SGCZ: variants seen among roughly 807,000 people sequenced by gnomAD.
The protein encoded by SGCZ is sarcoglycan zeta.
SGCZ carries 40 observed loss-of-function variants against 41.3 expected under a neutral mutation model. That is an observed-to-expected ratio of 0.97 (90% CI 0.75 to 1.26). The LOEUF (loss-of-function observed/expected upper bound fraction) is 1.26, where lower values mean the gene tolerates loss of function less well. Among genes scored for constraint, SGCZ ranks in the 50% most tolerant of loss-of-function variants. SGCZ has a pLI of 0.00. For synonymous variants in SGCZ, 206 were observed against 137.5 expected, an observed-to-expected ratio of 1.50 and a Z score of -3.49; for missense variants, 552 against 369.8, an observed-to-expected ratio of 1.49 and a Z score of -4.04.
chr8:14,246,427 G>C (rs896920207), intron 3 of SGCZ, among the ~76,000 whole-genome samples: 1 of 151,442 alleles, frequency 6.6e-6, no homozygotes, highest in South Asian at 2.1e-4. Flanking sequence ...AAGGGAACAT[G>C]ACACTCTGGG....
chr8:14,819,839 C>T (rs1802020147), intron 1 of SGCZ, among the ~76,000 whole-genome samples: 2 of 151,832 alleles, frequency 1.3e-5, no homozygotes, highest in Admixed American at 6.6e-5. Context: ...ACAATAGTAA[C>T]CACAAAGAAA....
intron 1 of SGCZ, among the ~76,000 whole-genome samples, chr8:14,632,505 A>C (rs1806691098): frequency 6.6e-6 from 1 of 152,158 alleles, no homozygotes. Flanking sequence ...AACAAAATAC[A>C]CTATTTTGAA....
At chr8:14,125,108 G>A (rs1329006671) in intron 5 of SGCZ, among the ~76,000 whole-genome samples, 1 of 152,112 alleles carries the variant, frequency 6.6e-6, no homozygotes, top group Non-Finnish European at 1.5e-5. Context: ...ACTTCTTCAA[G>A]GAGAACTACA....
chr8:14,188,993 T>A (rs1805003253), intron 4 of SGCZ, among the ~76,000 whole-genome samples: 1 of 149,586 alleles, frequency 6.7e-6, no homozygotes, highest in Admixed American at 6.7e-5. Context: ...GTAGCTGCGA[T>A]TACAGGCACC....
At chr8:14,570,488 T>C (rs1472617685) in intron 1 of SGCZ, among the ~76,000 whole-genome samples, 1 of 152,238 alleles carries the variant, frequency 6.6e-6, no homozygotes, top group Non-Finnish European at 1.5e-5. Flanking sequence ...TAGAAACTTA[T>C]GTAAATATTA....
chr8:14,866,857 A>G (rs1210747489), intron 1 of SGCZ, among the ~76,000 whole-genome samples: 1 of 152,182 alleles, frequency 6.6e-6, no homozygotes, highest in Admixed American at 6.6e-5. Context: ...ACTAAAAGAA[A>G]AAAAAGTTTA....
chr8:14,456,145 A>C (rs1800737311), intron 2 of SGCZ, among the ~76,000 whole-genome samples: 1 of 152,174 alleles, frequency 6.6e-6, no homozygotes, highest in Admixed American at 6.5e-5. Context: ...ACGGTGGCTC[A>C]CACCTGTAAT....
chr8:14,554,833 G>A lies in SGCZ; in HGVS notation c.133C>T (p.Arg45Ter), dbSNP rs74754257. ...QLYPVGIYGWRKRCLYFFVLL... is the reference protein window; with the variant it reads ...QLYPVGIYGW Reference sequence around the variant, plus strand: ...ACAAAGAAGTATAAGCACCTCTTTCGCCATCCATAAATTCCCACTGGGTAA... The same window carrying A: ...ACAAAGAAGTATAAGCACCTCTTTCACCATCCATAAATTCCCACTGGGTAA... Residue 45 changes from arginine (R) to a stop codon, truncating the protein, a stop_gained, in exon 2 of 8, where the codon CGA becomes TGA. Transcript: ENST00000382080. LOFTEE classifies it high-confidence loss of function. The A allele has an allele frequency of 5.0e-6, 8 of 1,612,784 alleles. No individual in the cohort carries two copies. The highest frequency in any genetic ancestry group is 2.2e-5 in the East Asian group (1 of 44,810).
At chr8:15,110,039 T>A (rs1806985482) in intron 1 of SGCZ, among the ~76,000 whole-genome samples, 1 of 152,186 alleles carries the variant, frequency 6.6e-6, no homozygotes, top group Admixed American at 6.5e-5. Flanking sequence ...GACATTTTCA[T>A]TAGTTAATTA....
chr8:15,148,830 G>A (rs529071986), intron 1 of SGCZ, among the ~76,000 whole-genome samples: 1 of 152,198 alleles, frequency 6.6e-6, no homozygotes, highest in African/African-American at 2.4e-5. Flanking sequence ...TGCCAGGAAA[G>A]AGGAGAGTGA....
intron 3 of SGCZ, among the ~76,000 whole-genome samples, chr8:14,310,659 T>C (rs1391786153): frequency 6.6e-6 from 1 of 152,124 alleles, no homozygotes; most frequent in Non-Finnish European, 1.5e-5. Context: ...AAACTGTAAA[T>C]AAAATGTGTA....
At chr8:14,457,549 T>G (rs1014658024) in intron 2 of SGCZ, among the ~76,000 whole-genome samples, 1 of 152,236 alleles carries the variant, frequency 6.6e-6, no homozygotes, top group African/African-American at 2.4e-5. Flanking sequence ...ACCGTCTCCC[T>G]GTGATGCTGT....
chr8:14,957,048 T>C (rs547613962), intron 1 of SGCZ, among the ~76,000 whole-genome samples: 2 of 152,164 alleles, frequency 1.3e-5, no homozygotes, highest in African/African-American at 2.4e-5. Context: ...GGAATTTATA[T>C]GGTTAATTTG....
At chr8:14,183,387 T>C (rs1804794082) in intron 4 of SGCZ, among the ~76,000 whole-genome samples, 1 of 151,902 alleles carries the variant, frequency 6.6e-6, no homozygotes, top group South Asian at 2.1e-4. Context: ...TGGGAAACAC[T>C]CTCCAACAGA....
intron 3 of SGCZ, among the ~76,000 whole-genome samples, chr8:14,258,028 C>A (rs1407276582): frequency 1.3e-5 from 2 of 152,076 alleles, no homozygotes; most frequent in Non-Finnish European, 2.9e-5. Context: ...TGAATAAGAA[C>A]CTTGCGTGAC....
intron 1 of SGCZ, among the ~76,000 whole-genome samples, chr8:14,972,884 A>G (rs1230326067): frequency 6.6e-6 from 1 of 152,190 alleles, no homozygotes; most frequent in Non-Finnish European, 1.5e-5. Context: ...CTATATAGAA[A>G]TTTGGCTAAA....
chr8:14,736,617 C>G (rs569295131), intron 1 of SGCZ, among the ~76,000 whole-genome samples: 1 of 151,924 alleles, frequency 6.6e-6, no homozygotes, highest in African/African-American at 2.4e-5. Flanking sequence ...GTTTTTTATT[C>G]CTCACCCCCC....
At chr8:15,014,089 T>C (rs1042735701) in intron 1 of SGCZ, among the ~76,000 whole-genome samples, 3 of 152,210 alleles carry the variant, frequency 2.0e-5, no homozygotes, top group African/African-American at 4.8e-5. Context: ...AACATCTCCC[T>C]TCTGAAATGA....
At chr8:14,947,072 G>GA (rs992314249) in intron 1 of SGCZ, among the ~76,000 whole-genome samples, 4 of 151,630 alleles carry the variant, frequency 2.6e-5, no homozygotes, top group East Asian at 1.9e-4. Flanking sequence ...CTCCCCATCT[G>GA]AAAAAAAAGA....
Sources: allele counts gnomAD v4.1 joint callset (sites outside exome capture counted in the v4.1 genomes callset), GRCh38; gene constraint gnomAD v4.1.1; transcripts MANE v1.5; gene names NCBI Gene and HGNC (gene_info 2026-07-23, HGNC 2026-07-21).